Variants in PLEKHB2 observed in about 807,000 individuals in gnomAD.
The protein encoded by PLEKHB2 is pleckstrin homology domain-containing family B member 2.
A neutral mutation model predicts 36.5 loss-of-function variants in PLEKHB2; 31 were observed. That is an observed-to-expected ratio of 0.85 (90% CI 0.64 to 1.15). PLEKHB2 has a LOEUF of 1.15. PLEKHB2 is among the 50% of genes most tolerant of loss of function. The probability of loss-of-function intolerance (pLI) is 0.00; values close to 1 mark genes in which losing one functional copy is unlikely to be tolerated. For missense variants in PLEKHB2, 262 were observed against 295.3 expected (o/e 0.89, Z 0.83); for synonymous variants, 119 against 112.0 (o/e 1.06, Z -0.39).
rs1212612084 is a variant in PLEKHB2 at position 131,119,970 on chromosome 2, C to CT, written c.-8-948dup. Among the ~76,000 whole-genome samples the CT allele has an allele frequency of 8.2e-3, 1,121 of 136,690 alleles. 12 individuals carry two copies. Among genetic ancestry groups the CT allele is most frequent in the African/African-American group, 0.022 (815 of 37,554 alleles). The allele number at this position is 136,690 out of a possible 152,430, so 89.7% of individuals were successfully genotyped here. ...ATGGTTATGAATATTTCTTCTTCTT[C>CT]TTTTTTTTTTTTTTTTGAGACAGAG... is the stretch of plus-strand genomic sequence containing the variant. On this transcript the variant is annotated intron_variant, in intron 1 of 7. Coordinates refer to ENST00000693505, the MANE Select transcript of PLEKHB2 (RefSeq NM_001100623.2).
chr2:131,129,458 T>A (rs1697442531), intron 4 of PLEKHB2, among the ~76,000 whole-genome samples: 1 of 149,144 alleles, frequency 6.7e-6, no homozygotes. Context: ...AGGGATAGGG[T>A]CAGTAAGAAA....
At chr2:131,130,788 A>AT (rs750249915) in intron 5 of PLEKHB2, 28 bp downstream of exon 5, 118,776 of 1,205,656 alleles carry the variant, frequency 0.099, 3 homozygotes, top group South Asian at 0.11. Context: ...ATCACCAATA[A>AT]TTTTTTTTTT....
chr2:131,123,731 G>A, intron 2 of PLEKHB2, among the ~76,000 whole-genome samples: 1 of 140,078 alleles, frequency 7.1e-6, no homozygotes, highest in Non-Finnish European at 1.5e-5. Flanking sequence ...CACCATGTTG[G>A]CCTTGCTGGT....
At position 131,120,934 on chromosome 2, in the gene PLEKHB2, G is replaced by A; in HGVS notation, c.-8G>A. On this transcript the variant is annotated splice_region_variant and 5_prime_UTR_variant, in exon 2 of 8. It adds an upstream start codon to the 5' untranslated region. Coordinates refer to ENST00000693505, the MANE Select transcript of PLEKHB2 (RefSeq NM_001100623.2). Reference sequence around the variant, plus strand: ...GAACCTGCCTGTTTTTGTTCTGTAGGTGAAGAGATGGCGTTTGTGAAGAGT... The same window carrying A: ...GAACCTGCCTGTTTTTGTTCTGTAGATGAAGAGATGGCGTTTGTGAAGAGT... The A allele has an allele frequency of 6.2e-7, 1 of 1,614,206 alleles. No homozygotes were observed. The highest frequency in any genetic ancestry group is 8.5e-7 in the Non-Finnish European group (1 of 1,179,984).
At chr2:131,130,425 G>A (rs1697563229) in intron 4 of PLEKHB2, among the ~76,000 whole-genome samples, 1 of 152,192 alleles carries the variant, frequency 6.6e-6, no homozygotes, top group Admixed American at 6.5e-5. Flanking sequence ...CTGGTAAAAA[G>A]GAAGTAGATC....
At chr2:131,129,833 A>AGGTTCAGATATCTAGTTTTTTTT (rs1236953640) in intron 4 of PLEKHB2, among the ~76,000 whole-genome samples, 4 of 152,108 alleles carry the variant, frequency 2.6e-5, no homozygotes, top group Non-Finnish European at 5.9e-5. Flanking sequence ...GTGATACTTA[A>AGGTTCAGATATCTAGTTTTTTTT]GGTTCAGATA....
chr2:131,130,299 C>T (rs895149391), intron 4 of PLEKHB2, among the ~76,000 whole-genome samples: 8 of 152,186 alleles, frequency 5.3e-5, no homozygotes, highest in African/African-American at 1.9e-4. Context: ...CTGCCTTGGC[C>T]TCCCATAGTG....
intron 1 of PLEKHB2, among the ~76,000 whole-genome samples, chr2:131,119,857 C>CT (rs1339491191): frequency 1.3e-5 from 2 of 151,246 alleles, no homozygotes; most frequent in African/African-American, 4.9e-5. Context: ...TCTGTGTGTT[C>CT]TTTTTTCTGT....
At chr2:131,135,468 T>C (rs896133924) in intron 6 of PLEKHB2, among the ~76,000 whole-genome samples, 1 of 152,244 alleles carries the variant, frequency 6.6e-6, no homozygotes, top group East Asian at 1.9e-4. Flanking sequence ...AATAGGAATC[T>C]GTTTTCTTTG....
chr2:131,108,159 A>G (rs768808944), intron 1 of PLEKHB2: 1 of 152,226 alleles, frequency 6.6e-6, no homozygotes, highest in Non-Finnish European at 1.5e-5. Flanking sequence ...GAACTGTCAG[A>G]TTCCAAAGGC....
In PLEKHB2 at chr2:131,124,801, T is replaced by C. The variant is rs1426997927; in HGVS notation, c.38-952T>C. On this transcript the variant is annotated intron_variant, in intron 2 of 7. Transcript: ENST00000693505. Reference sequence around the variant, plus strand: ...AAAACGTGTTTTTTCTTTTTTTTTTTTGGAGACGGAGTGTTGCTCTGTCCC... The same window carrying C: ...AAAACGTGTTTTTTCTTTTTTTTTTCTGGAGACGGAGTGTTGCTCTGTCCC... 3.3e-5 allele frequency among the ~76,000 whole-genome samples: 5 copies of C among 152,126 alleles called. No individual in the cohort carries two copies. The East Asian group carries it at 9.7e-4, about 29-fold the overall frequency.
At chr2:131,112,907 T>C (rs1368815684) in intron 1 of PLEKHB2, among the ~76,000 whole-genome samples, 1 of 152,184 alleles carries the variant, frequency 6.6e-6, no homozygotes, top group Non-Finnish European at 1.5e-5. Context: ...GAGCTACTTT[T>C]CTTTCTCACT....
chr2:131,121,831 A>G (rs181353023), intron 2 of PLEKHB2, among the ~76,000 whole-genome samples: 16 of 152,280 alleles, frequency 1.1e-4, no homozygotes, highest in African/African-American at 3.6e-4. Flanking sequence ...TATCTCTGCA[A>G]ACCTGTCTTT....
At chr2:131,146,349 G>T (rs1699283880) in intron 7 of PLEKHB2, among the ~76,000 whole-genome samples, 1 of 152,122 alleles carries the variant, frequency 6.6e-6, no homozygotes, top group Non-Finnish European at 1.5e-5. Flanking sequence ...TAAGCATGGT[G>T]TCGAGGGCTG....
intron 6 of PLEKHB2, among the ~76,000 whole-genome samples, chr2:131,133,735 A>T (rs1472628978): frequency 6.6e-6 from 1 of 152,208 alleles, no homozygotes; most frequent in Non-Finnish European, 1.5e-5. Context: ...AAACCCTGTC[A>T]ATCACTGAAC....
In PLEKHB2 at chr2:131,146,904, A is replaced by T; in HGVS notation, c.*131A>T. 3 of 753,386 alleles carry T rather than the reference A, an allele frequency of 4.0e-6. No individual in the cohort carries two copies. Among genetic ancestry groups the T allele is most frequent in the Non-Finnish European group, 2.1e-6 (1 of 471,546 alleles). 46.7% of individuals were successfully genotyped at this position (753,386 alleles called of 1,614,324 possible). On this transcript the variant is annotated 3_prime_UTR_variant, in exon 8 of 8. Transcript: ENST00000693505. ...TCATTCCTTTGAAAGTAGTGATGTCATAATTGTACTAATCCACATAAGTAC... is the reference window on the plus strand; with the variant it reads ...TCATTCCTTTGAAAGTAGTGATGTCTTAATTGTACTAATCCACATAAGTAC...
chr2:131,146,825 TATG>T lies in PLEKHB2; in HGVS notation c.*55_*57del, dbSNP rs573859854. 390 of 1,460,448 alleles carry T rather than the reference TATG, an allele frequency of 2.7e-4. 1 individual carries two copies. The African/African-American group carries it at 4.7e-3, about 18-fold the overall frequency. The allele number at this position is 1,460,448 out of a possible 1,614,324, so 90.5% of individuals were successfully genotyped here. On this transcript the variant is annotated 3_prime_UTR_variant, in exon 8 of 8. Coordinates refer to ENST00000693505, the MANE Select transcript of PLEKHB2 (RefSeq NM_001100623.2). ...CTTCTGATAACCCTGTGTGCAATAA[TATG>T]ATTTGCAGGGCATTTCTGTTTGTGA...
chr2:131,124,825 C>T (rs1461441929), intron 2 of PLEKHB2, among the ~76,000 whole-genome samples: 1 of 151,596 alleles, frequency 6.6e-6, no homozygotes, highest in Non-Finnish European at 1.5e-5. Context: ...TTGCTCTGTC[C>T]CCCAGGTTGG....
chr2:131,146,485 G>C (rs989750674), intron 7 of PLEKHB2, 152 bp from the exon 8 acceptor site: 1 of 702,326 alleles, frequency 1.4e-6, no homozygotes. Context: ...CAGGGATGTC[G>C]GCCACATGAT....
Sources: allele counts gnomAD v4.1 joint callset (sites outside exome capture counted in the v4.1 genomes callset), GRCh38; gene constraint gnomAD v4.1.1; transcripts MANE v1.5; gene names NCBI Gene and HGNC (gene_info 2026-07-23, HGNC 2026-07-21).